RGS22: variants seen among roughly 807,000 people sequenced by gnomAD.
The protein encoded by RGS22 is regulator of G protein signaling 22.
A neutral mutation model predicts 172.9 loss-of-function variants in RGS22; 148 were observed. That is an observed-to-expected ratio of 0.86 (90% CI 0.75 to 0.98). The LOEUF (loss-of-function observed/expected upper bound fraction) is 0.98, where lower values mean the gene tolerates loss of function less well. Ranked by LOEUF, RGS22 falls within the 50% of genes least tolerant of loss-of-function variation. The pLI, the probability that RGS22 is intolerant of heterozygous loss-of-function variation, is 0.00. For missense variants in RGS22, 1,347 were observed against 1,440.8 expected, an observed-to-expected ratio of 0.93 and a Z score of 1.05; for synonymous variants, 458 against 480.2, an observed-to-expected ratio of 0.95 and a Z score of 0.60.
At chr8:100,012,392 A>G (rs564952735) in intron 14 of RGS22, among the ~76,000 whole-genome samples, 3 of 152,218 alleles carry the variant, frequency 2.0e-5, no homozygotes, top group African/African-American at 7.2e-5. Context: ...AAAGAGCAAC[A>G]GTGATTTGAA....
intron 14 of RGS22, among the ~76,000 whole-genome samples, chr8:100,009,424 C>CAAAA (rs1238317237): frequency 8.8e-5 from 4 of 45,664 alleles, no homozygotes; most frequent in Admixed American, 2.2e-4. Flanking sequence ...GACTCCACCT[C>CAAAA]AAAAAAAAAA....
At chr8:100,017,279 G>A (rs992172329) in intron 14 of RGS22, among the ~76,000 whole-genome samples, 3 of 152,136 alleles carry the variant, frequency 2.0e-5, no homozygotes, top group African/African-American at 2.4e-5. Context: ...ACCATGCCCA[G>A]TCCTTTATTG....
intron 3 of RGS22, among the ~76,000 whole-genome samples, chr8:100,088,424 C>T (rs535574500): frequency 1.3e-5 from 2 of 152,102 alleles, no homozygotes; most frequent in Admixed American, 6.6e-5. Context: ...GCATAAAACA[C>T]ACAAAACAAA....
intron 14 of RGS22, among the ~76,000 whole-genome samples, chr8:100,033,266 C>A (rs1310457855): frequency 6.6e-6 from 1 of 151,728 alleles, no homozygotes; most frequent in Non-Finnish European, 1.5e-5. Flanking sequence ...ATTGATAGAC[C>A]AAAGCAAGAC....
In RGS22 at chr8:100,039,967, T is replaced by G; in HGVS notation, c.2059A>C (p.Asn687His). The G allele has an allele frequency of 6.5e-7, 1 of 1,537,154 alleles. No individual in the cohort carries two copies. Among genetic ancestry groups the G allele is most frequent in the Non-Finnish European group, 8.8e-7 (1 of 1,140,800 alleles). Residue 687 changes from asparagine (N) to histidine (H), a missense_variant, in exon 13 of 28, where the codon AAC (asparagine) becomes CAC (histidine). Asn to His is a moderately conservative substitution (Grantham distance 68, BLOSUM62 1). Transcript: ENST00000360863. Reference protein sequence around the residue: ...FFTKFCEHSGNKLWKNSVYFW... With the variant: ...FFTKFCEHSGHKLWKNSVYFW... Reference sequence around the variant, plus strand: ...TTTAAATAATTCTTTTCTACCTTGTTCCCTGAATGCTCGCAGAATTTAGTA... The same window carrying G: ...TTTAAATAATTCTTTTCTACCTTGTGCCCTGAATGCTCGCAGAATTTAGTA...
At chr8:100,008,252 G>C in intron 15 of RGS22, 123 bp downstream of exon 15, 4 of 804,958 alleles carry the variant, frequency 5.0e-6, no homozygotes, top group South Asian at 1.7e-5. Context: ...TAGCTAGGCT[G>C]GTCTTGAACT....
rs1554611095 is a variant in RGS22 at position 100,001,202 on chromosome 8, T to TTATATATATATATATATACATA, written c.2790+978_2790+999dup. ...AAACCTACCGCTGAATCCCAATTTT[T>TTATATATATATATATATACATA]TATATATATATATATATACATATAT... is the stretch of plus-strand genomic sequence containing the variant. On this transcript the variant is annotated intron_variant, in intron 18 of 27. Coordinates refer to ENST00000360863, the MANE Select transcript of RGS22 (RefSeq NM_015668.5). 2.2e-3 allele frequency among the ~76,000 whole-genome samples: 275 copies of TTATATATATATATATATACATA among 124,706 alleles called. 3 individuals carry two copies. The highest frequency in any genetic ancestry group is 3.2e-3 in the Non-Finnish European group (196 of 61,474). 81.8% of individuals were successfully genotyped at this position (124,706 alleles called of 152,430 possible).
chr8:100,087,518 A>G (rs1812252723), intron 3 of RGS22, among the ~76,000 whole-genome samples: 2 of 152,124 alleles, frequency 1.3e-5, no homozygotes, highest in South Asian at 4.1e-4. Flanking sequence ...AGAGAAAAAA[A>G]ACCTGTGAAT....
chr8:100,019,798 T>C (rs1407599261), intron 14 of RGS22, among the ~76,000 whole-genome samples: 1 of 152,152 alleles, frequency 6.6e-6, no homozygotes, highest in Non-Finnish European at 1.5e-5. Flanking sequence ...CATTTTAATA[T>C]GTATCTTTCA....
intron 14 of RGS22, 66 bp downstream of exon 14, chr8:100,038,864 TG>T: frequency 1.0e-6 from 1 of 972,478 alleles, no homozygotes; most frequent in Non-Finnish European, 1.5e-6. Context: ...CGTTTGGGAC[TG>T]GACACAATTT....
intron 2 of RGS22, among the ~76,000 whole-genome samples, chr8:100,098,926 A>AT (rs61369056): frequency 1.8e-5 from 2 of 112,852 alleles, no homozygotes; most frequent in African/African-American, 3.1e-5. Flanking sequence ...ATTTTATTTT[A>AT]TTTATTTTTT....
At chr8:100,017,345 G>A (rs1817102628) in intron 14 of RGS22, among the ~76,000 whole-genome samples, 1 of 151,982 alleles carries the variant, frequency 6.6e-6, no homozygotes, top group Admixed American at 6.6e-5. Context: ...TCCAATCCAT[G>A]GCATCCCAAG....
chr8:100,006,264 C>T (rs1293740591), intron 15 of RGS22, among the ~76,000 whole-genome samples, 155 bp from the exon 16 acceptor site: 1 of 152,172 alleles, frequency 6.6e-6, no homozygotes, highest in Admixed American at 6.5e-5. Flanking sequence ...ACAGCAGGGT[C>T]ACACTTCAAA....
intron 16 of RGS22, among the ~76,000 whole-genome samples, chr8:100,005,236 C>A (rs926569777): frequency 3.9e-5 from 6 of 151,914 alleles, no homozygotes; most frequent in Non-Finnish European, 7.4e-5. Context: ...AAAAAAAAAT[C>A]ACCTGAAACC....
intron 9 of RGS22, among the ~76,000 whole-genome samples, chr8:100,061,206 A>T (rs1373307534): frequency 1.3e-5 from 2 of 152,110 alleles, no homozygotes; most frequent in Non-Finnish European, 2.9e-5. Context: ...TATAAAAACC[A>T]TGGAAGACAA....
intron 14 of RGS22, among the ~76,000 whole-genome samples, chr8:100,026,425 C>T (rs1379217532): frequency 6.6e-6 from 1 of 152,218 alleles, no homozygotes; most frequent in Non-Finnish European, 1.5e-5. Context: ...ACTGACTCAG[C>T]TTTTGCGTTT....
intron 14 of RGS22, among the ~76,000 whole-genome samples, chr8:100,038,220 A>C (rs1393328420): frequency 6.6e-6 from 1 of 152,184 alleles, no homozygotes; most frequent in Admixed American, 6.5e-5. Context: ...CCTGACAATA[A>C]AAAACTGCAA....
chr8:99,979,722 A>G (rs1812343688), intron 22 of RGS22, among the ~76,000 whole-genome samples: 1 of 152,200 alleles, frequency 6.6e-6, no homozygotes, highest in Non-Finnish European at 1.5e-5. Context: ...CCTTTCTGTC[A>G]TGATATATTT....
chr8:100,105,725 G>A (rs1813883937), intron 1 of RGS22, 172 bp downstream of exon 1: 2 of 580,502 alleles, frequency 3.4e-6, no homozygotes, highest in East Asian at 3.3e-5. Flanking sequence ...ATAAACCGGC[G>A]AGGACGTGAA....
Sources: gnomAD v4.1 joint callset for allele counts (sites outside exome capture counted in the v4.1 genomes callset) on GRCh38, gnomAD v4.1.1 for gene constraint, MANE v1.5 for transcripts, NCBI Gene and HGNC (gene_info 2026-07-23, HGNC 2026-07-21) for gene names.